Variants in ATP9A observed in about 807,000 individuals in gnomAD.
ATP9A encodes the protein probable phospholipid-transporting ATPase IIA.
Under a neutral mutation model 144.1 loss-of-function variants are expected in ATP9A, and 52 were observed. The ratio of observed to expected loss-of-function variants is 0.36; its 90% confidence interval spans 0.29 to 0.45. ATP9A has a LOEUF of 0.45. ATP9A is among the 20% of genes least tolerant of loss of function. ATP9A has a pLI of 1.00. For synonymous variants in ATP9A, 582 were observed against 557.4 expected, an observed-to-expected ratio of 1.04 and a Z score of -0.62; for missense variants, 947 against 1,392.7, an observed-to-expected ratio of 0.68 and a Z score of 5.09.
chr20:51,767,214 C>G (rs1470998018), intron 1 of ATP9A, among the ~76,000 whole-genome samples: 1 of 152,078 alleles, frequency 6.6e-6, no homozygotes, highest in African/African-American at 2.4e-5. Context: ...GGACCAGACG[C>G]CCGAGGAAGG....
chr20:51,755,828 G>A (rs1460444867), intron 1 of ATP9A, among the ~76,000 whole-genome samples: 1 of 152,018 alleles, frequency 6.6e-6, no homozygotes, highest in South Asian at 2.1e-4. Context: ...GGTGGTGGGC[G>A]CCTGTAGTCC....
intron 1 of ATP9A, among the ~76,000 whole-genome samples, chr20:51,737,886 GATCTATATCCT>G (rs2077768998): frequency 6.6e-6 from 1 of 152,022 alleles, no homozygotes; most frequent in Non-Finnish European, 1.5e-5. Flanking sequence ...TGGTGGCGCA[GATCTATATCCT>G]ATCTATATGC....
At chr20:51,625,130 C>T in intron 18 of ATP9A, 62 bp downstream of exon 18, 1 of 1,515,690 alleles carries the variant, frequency 6.6e-7, no homozygotes, top group Admixed American at 1.7e-5. Context: ...GATCTCCCTG[C>T]ACTGCTGAGG....
chr20:51,658,475 G>T (rs560432060), intron 13 of ATP9A, among the ~76,000 whole-genome samples: 5 of 150,280 alleles, frequency 3.3e-5, no homozygotes, highest in African/African-American at 1.2e-4. Context: ...GCAGCCTGCA[G>T]CTCCGTTCCT....
chr20:51,702,322 T>C (rs1490550793), intron 4 of ATP9A, among the ~76,000 whole-genome samples: 1 of 149,410 alleles, frequency 6.7e-6, no homozygotes, highest in Non-Finnish European at 1.5e-5. Flanking sequence ...TAAATATCTA[T>C]AGATACATAG....
At chr20:51,720,063 A>C (rs2077682188) in intron 3 of ATP9A, among the ~76,000 whole-genome samples, 1 of 152,206 alleles carries the variant, frequency 6.6e-6, no homozygotes, top group Non-Finnish European at 1.5e-5. Context: ...TCAATCAATA[A>C]AAAGAAAGTT....
intron 19 of ATP9A, 58 bp downstream of exon 19, chr20:51,622,016 G>C (rs1180692661): frequency 6.8e-7 from 1 of 1,477,778 alleles, no homozygotes; most frequent in Non-Finnish European, 9.4e-7. Flanking sequence ...AAGGTTAGGA[G>C]GTTATAGGAC....
intron 3 of ATP9A, among the ~76,000 whole-genome samples, 186 bp from the exon 4 acceptor site, chr20:51,713,260 C>G (rs1171147564): frequency 2.0e-5 from 3 of 152,148 alleles, no homozygotes; most frequent in Non-Finnish European, 1.5e-5. Flanking sequence ...TCTTAGGGAA[C>G]ATGCACTCCC....
Position 51,622,177 on chromosome 20 carries a change from AATC to A in ATP9A, c.2017-8_2017-6del, listed in dbSNP as rs367649348. 6.7e-5 allele frequency: 108 copies of A among 1,613,350 alleles called. 1 individual carries two copies. In the East Asian group the frequency reaches 1.8e-3, roughly 26 times the overall value. ...GTCCCCTGTCAGCATCCAAACCTGA[AATC>A]ATGGCGTGACAGAGGTCCTGTTTAT... On this transcript the variant is annotated splice_polypyrimidine_tract_variant and splice_region_variant and intron_variant, in intron 18 of 27. Transcript: ENST00000338821.
At chr20:51,652,300 C>T (rs2077369911) in intron 14 of ATP9A, among the ~76,000 whole-genome samples, 1 of 152,240 alleles carries the variant, frequency 6.6e-6, no homozygotes, top group South Asian at 2.1e-4. Context: ...AATAAAGACA[C>T]TTCAAGGTTC....
chr20:51,721,652 T>C (rs2077689675), intron 3 of ATP9A, among the ~76,000 whole-genome samples: 3 of 151,366 alleles, frequency 2.0e-5, no homozygotes, highest in South Asian at 2.1e-4. Context: ...TACAAAAAAA[T>C]TAGCCAGGCG....
chr20:51,742,142 G>A (rs539834672), intron 1 of ATP9A, among the ~76,000 whole-genome samples: 58 of 152,046 alleles, frequency 3.8e-4, no homozygotes, highest in Admixed American at 7.9e-4. Flanking sequence ...CGAGCAACAC[G>A]GTGAGACCTC....
At chr20:51,648,277 G>C (rs1022866049) in intron 14 of ATP9A, among the ~76,000 whole-genome samples, 2 of 152,142 alleles carry the variant, frequency 1.3e-5, no homozygotes, top group African/African-American at 4.8e-5. Context: ...GAGATTGCCT[G>C]CCCTCCCCGG....
intron 13 of ATP9A, among the ~76,000 whole-genome samples, chr20:51,659,221 G>C: frequency 6.6e-6 from 1 of 152,088 alleles, no homozygotes; most frequent in Middle Eastern, 3.4e-3. Context: ...TTGCCTTCCC[G>C]TTGCAAGTCA....
intron 14 of ATP9A, among the ~76,000 whole-genome samples, chr20:51,642,300 A>G (rs997746117): frequency 1.3e-5 from 2 of 151,924 alleles, no homozygotes; most frequent in African/African-American, 4.8e-5. Flanking sequence ...GATTACAGGC[A>G]CCTGCCATCA....
At chr20:51,714,161 T>A (rs2077651879) in intron 3 of ATP9A, among the ~76,000 whole-genome samples, 1 of 151,896 alleles carries the variant, frequency 6.6e-6, no homozygotes, top group African/African-American at 2.4e-5. Context: ...CACCTCAGCC[T>A]CCCAAAGTGC....
intron 6 of ATP9A, among the ~76,000 whole-genome samples, chr20:51,695,411 C>T (rs1377748157): frequency 3.4e-5 from 5 of 145,414 alleles, no homozygotes; most frequent in Admixed American, 1.4e-4. Flanking sequence ...TGAGGTAAGC[C>T]GAGATCGTAC....
intron 13 of ATP9A, among the ~76,000 whole-genome samples, chr20:51,661,149 G>A (rs2426357): frequency 0.49 from 74,729 of 152,012 alleles, 19,084 homozygotes; most frequent in East Asian, 0.79. Flanking sequence ...CACCAAGGCA[G>A]GGAAAATAGG....
chr20:51,660,715 G>A (rs1014875474), intron 13 of ATP9A, among the ~76,000 whole-genome samples: 1 of 152,188 alleles, frequency 6.6e-6, no homozygotes, highest in Admixed American at 6.5e-5. Flanking sequence ...AACTGACCAG[G>A]GGCTGTGTTT....
Sources: allele counts gnomAD v4.1 joint callset (sites outside exome capture counted in the v4.1 genomes callset), GRCh38; gene constraint gnomAD v4.1.1; transcripts MANE v1.5; gene names NCBI Gene and HGNC (gene_info 2026-07-23, HGNC 2026-07-21).